MED15: variants seen among roughly 807,000 people sequenced by gnomAD.
MED15 encodes mediator complex subunit 15, also known as mediator of RNA polymerase II transcription subunit 15.
A neutral mutation model predicts 118.7 loss-of-function variants in MED15; 41 were observed. That is an observed-to-expected ratio of 0.35 (90% CI 0.27 to 0.45). MED15 has a LOEUF of 0.45. Among genes scored for constraint, MED15 ranks in the 20% least tolerant of loss-of-function variants. The probability of loss-of-function intolerance (pLI) is 1.00; values close to 1 mark genes in which losing one functional copy is unlikely to be tolerated. For synonymous variants in MED15, 436 were observed against 413.9 expected, an observed-to-expected ratio of 1.05 and a Z score of -0.65; for missense variants, 740 against 1,025.5, an observed-to-expected ratio of 0.72 and a Z score of 3.80.
intron 16 of MED15, 84 bp from the exon 17 acceptor site, chr22:20,585,644 G>A: frequency 7.9e-7 from 1 of 1,268,232 alleles, no homozygotes; most frequent in East Asian, 2.4e-5. Context: ...CTCCCTGGGT[G>A]TGGAGTCCTG....
chr22:20,526,418 A>G (rs1396301605), intron 1 of MED15, among the ~76,000 whole-genome samples: 1 of 152,112 alleles, frequency 6.6e-6, no homozygotes, highest in Non-Finnish European at 1.5e-5. Context: ...GCTCCCTTCC[A>G]TCGCCATTAT....
intron 2 of MED15, among the ~76,000 whole-genome samples, chr22:20,545,113 C>T (rs2055475617): frequency 6.6e-6 from 1 of 152,174 alleles, no homozygotes; most frequent in Non-Finnish European, 1.5e-5. Context: ...TAGCCTGCCA[C>T]AGACAGAAAG....
rs761059097 is a variant in MED15, at chr22:20,535,782, C to A, written c.69-1335C>A. On this transcript the variant is annotated intron_variant, in intron 1 of 17. Transcript: ENST00000263205. ...CACTGTGTTAGCCAGGATGGTCGTG[C>A]TCGCCTGACCTCGTGATCTGCCCGC... Among the ~76,000 whole-genome samples the A allele has an allele frequency of 1.3e-4, 19 of 151,280 alleles. No homozygotes were observed. The East Asian group carries it at 1.6e-3, about 12-fold the overall frequency.
At chr22:20,551,390 G>A (rs571846360) in intron 2 of MED15, 46 bp from the exon 3 acceptor site, 1 of 1,570,274 alleles carries the variant, frequency 6.4e-7, no homozygotes, top group East Asian at 2.2e-5. Context: ...TCCGATGACT[G>A]CGCTTCTTCA....
At chr22:20,548,079 G>A (rs1444385088) in intron 2 of MED15, among the ~76,000 whole-genome samples, 2 of 152,132 alleles carry the variant, frequency 1.3e-5, no homozygotes, top group Admixed American at 1.3e-4. Context: ...CTGGGTGTAA[G>A]CAATACTCCT....
intron 1 of MED15, among the ~76,000 whole-genome samples, chr22:20,530,805 G>C (rs2054830862): frequency 6.6e-6 from 1 of 152,142 alleles, no homozygotes. Context: ...AGGTGACTCA[G>C]AGCTCCAATG....
intron 9 of MED15, among the ~76,000 whole-genome samples, chr22:20,575,944 T>C (rs1447249383): frequency 6.6e-6 from 1 of 152,284 alleles, no homozygotes; most frequent in East Asian, 1.9e-4. Context: ...TGGGCCATGC[T>C]GTTGTAGAGT....
At chr22:20,568,676 A>G (rs1220922591) in intron 8 of MED15, 45 bp downstream of exon 8, 1 of 1,597,202 alleles carries the variant, frequency 6.3e-7, no homozygotes, top group Non-Finnish European at 8.5e-7. Context: ...CAGCAGGTGC[A>G]TGTTCACCTG....
rs1222093458 is a variant in MED15, at chr22:20,583,218, G to A, written c.1643G>A (p.Arg548His). 2.5e-6 allele frequency: 4 copies of A among 1,611,744 alleles called. No individual in the cohort carries two copies. The highest frequency in any genetic ancestry group is 1.7e-5 in the Admixed American group (1 of 59,994). The change falls in exon 12 of 18, where the codon CGC (arginine) becomes CAC (histidine). Residue 548 changes from arginine to histidine, a missense_variant. Physicochemically the swap from Arg to His is conservative, Grantham distance 29 (BLOSUM62 0). This residue lies in a region of MED15 where 384 missense variants were observed against 506.3 expected (regional missense o/e 0.76). Transcript: ENST00000263205. ...TCGAAGTACATCGAGCCCCTGCGCC[G>A]CATGATCAACAAGATCGACAAGAAC... ...QLSKYIEPLR[R>H]MINKIDKNED...
rs139110861 is a variant in MED15, at chr22:20,546,502, G to GTTTTTT, written c.157-4931_157-4926dup. On this transcript the variant is annotated intron_variant, in intron 2 of 17. Transcript: ENST00000263205. ...TTTTCTCCCACATTCGTTACATGGA[G>GTTTTTT]TTTTTTTTGTTTTTTTTTTTTTGTC... Among the ~76,000 whole-genome samples the GTTTTTT allele has an allele frequency of 1.7e-4, 19 of 109,388 alleles. 2 individuals carry two copies. Among genetic ancestry groups the GTTTTTT allele is most frequent in the East Asian group, 5.9e-4 (2 of 3,380 alleles). The allele number at this position is 109,388 out of a possible 152,430, so 71.8% of individuals were successfully genotyped here. A position where few individuals can be genotyped will look rare whatever the true frequency, so the allele number is the denominator to read the frequency against.
At position 20,566,442 on chromosome 22, in the gene MED15, C is replaced by A. The variant is rs748719686; in HGVS notation, c.691-25C>A. 5 of 1,608,362 alleles carry A rather than the reference C, an allele frequency of 3.1e-6. No individual in the cohort carries two copies. The South Asian group carries it at 5.5e-5, about 18-fold the overall frequency. Reference sequence around the variant, plus strand: ...GCCACAGAGGCAGATGAGTGATAACCGAGTGCTGCTTGTTCTGTCTCTAGA... The same window carrying A: ...GCCACAGAGGCAGATGAGTGATAACAGAGTGCTGCTTGTTCTGTCTCTAGA... On this transcript the variant is annotated intron_variant, in intron 6 of 17. Coordinates refer to ENST00000263205, the MANE Select transcript of MED15 (RefSeq NM_001003891.3).
At chr22:20,540,099 G>A (rs2146459654) in intron 2 of MED15, among the ~76,000 whole-genome samples, 1 of 152,156 alleles carries the variant, frequency 6.6e-6, no homozygotes, top group South Asian at 2.1e-4. Flanking sequence ...GAGGGATGCA[G>A]GGGGTGTTAG....
chr22:20,554,952 C>G lies in MED15; in HGVS notation c.255C>G (p.Leu85=), dbSNP rs772911083. Residue 85 remains leucine (L), a synonymous_variant, in exon 5 of 18, where the codon CTC becomes CTG. Coordinates refer to ENST00000263205, the MANE Select transcript of MED15 (RefSeq NM_001003891.3). ...TTCCCACAGATCCTATGAATGCACTCCAGAGCCTGACTGGCGGACCTGCTG... is the reference window on the plus strand; with the variant it reads ...TTCCCACAGATCCTATGAATGCACTGCAGAGCCTGACTGGCGGACCTGCTG... ...QASVSDPMNA[L]QSLTGGPAAG... 11 of 1,606,850 alleles carry G rather than the reference C, an allele frequency of 6.8e-6. 1 individual carries two copies. Among genetic ancestry groups the G allele is most frequent in the Non-Finnish European group, 7.6e-6 (9 of 1,179,102 alleles).
At chr22:20,550,539 C>CT (rs1261822526) in intron 2 of MED15, among the ~76,000 whole-genome samples, 1 of 152,246 alleles carries the variant, frequency 6.6e-6, no homozygotes, top group African/African-American at 2.4e-5. Flanking sequence ...TGGATGGACT[C>CT]TGAGTGTCAC....
At chr22:20,584,265 C>A in intron 13 of MED15, 94 bp from the exon 14 acceptor site, 1 of 1,313,162 alleles carries the variant, frequency 7.6e-7, no homozygotes, top group Non-Finnish European at 1.1e-6. Context: ...GCAGAGGTTT[C>A]TGATGGCTGA....
At chr22:20,536,168 A>C (rs2146441991) in intron 1 of MED15, among the ~76,000 whole-genome samples, 1 of 152,202 alleles carries the variant, frequency 6.6e-6, no homozygotes, top group South Asian at 2.1e-4. Context: ...GTGGCACTGC[A>C]CCTGGCCACT....
intron 1 of MED15, among the ~76,000 whole-genome samples, chr22:20,532,152 G>A (rs1236603181): frequency 6.6e-6 from 1 of 152,342 alleles, no homozygotes; most frequent in East Asian, 1.9e-4. Context: ...GTGGGGGTAG[G>A]AATGGGAACG....
chr22:20,580,245 C>T (rs1406998887), intron 9 of MED15, among the ~76,000 whole-genome samples: 1 of 152,134 alleles, frequency 6.6e-6, no homozygotes, highest in Non-Finnish European at 1.5e-5. Context: ...GGTGAGATTG[C>T]CGCTTCAGGG....
intron 1 of MED15, among the ~76,000 whole-genome samples, chr22:20,535,776 G>A (rs1478582372): frequency 6.6e-6 from 1 of 151,750 alleles, no homozygotes; most frequent in African/African-American, 2.4e-5. Flanking sequence ...AGCCAGGATG[G>A]TCGTGCTCGC....
Sources: allele counts gnomAD v4.1 joint callset (sites outside exome capture counted in the v4.1 genomes callset), GRCh38; gene constraint gnomAD v4.1.1; regional missense constraint gnomAD v4.1.1; transcripts MANE v1.5; gene names NCBI Gene and HGNC (gene_info 2026-07-23, HGNC 2026-07-21).